Variants in MGMT observed in about 807,000 individuals in gnomAD.
MGMT encodes methylated-DNA--protein-cysteine methyltransferase.
In MGMT, 14 loss-of-function variants were observed where a neutral mutation model predicts 15.9. The observed-to-expected ratio is 0.88, with a 90% CI of 0.58 to 1.37. The LOEUF (loss-of-function observed/expected upper bound fraction) is 1.37, where lower values mean the gene tolerates loss of function less well. MGMT is among the 40% of genes most tolerant of loss of function. MGMT has a pLI of 0.00. For synonymous variants in MGMT, 130 were observed against 118.2 expected (o/e 1.10, Z -0.65); for missense variants, 282 against 268.1 (o/e 1.05, Z -0.36).
chr10:129,612,088 G>A (rs1846967710), intron 2 of MGMT, among the ~76,000 whole-genome samples: 1 of 152,114 alleles, frequency 6.6e-6, no homozygotes, highest in African/African-American at 2.4e-5. Context: ...GTCCAGAAAG[G>A]CGGGACACCT....
At position 129,769,580 on chromosome 10, in the gene MGMT, CCT is replaced by C. The variant is rs1311785673; in HGVS notation, c.*2584_*2585del. ...CACTCAGACCGGCGGACCACGCTCCCCTGTTTCCAGAGAGATGAGAGAGTCAG... is the reference window on the plus strand; with the variant it reads ...CACTCAGACCGGCGGACCACGCTCCCGTTTCCAGAGAGATGAGAGAGTCAG... On this transcript the variant is annotated 3_prime_UTR_variant, in exon 5 of 5. Transcript: ENST00000651593. 1 of 151,840 alleles carries C rather than the reference CCT, an allele frequency of 6.6e-6. No homozygotes were observed. The highest frequency in any genetic ancestry group is 1.5e-5 in the Non-Finnish European group (1 of 68,038). The allele number at this position is 151,840 out of a possible 1,614,324, so 9.4% of individuals were successfully genotyped here.
At chr10:129,745,502 A>G (rs1202385308) in intron 3 of MGMT, among the ~76,000 whole-genome samples, 1 of 152,194 alleles carries the variant, frequency 6.6e-6, no homozygotes, top group Admixed American at 6.5e-5. Flanking sequence ...GACAGTATTT[A>G]ACCTTTGGAG....
At chr10:129,481,392 C>T (rs1845356521) in intron 1 of MGMT, among the ~76,000 whole-genome samples, 1 of 152,164 alleles carries the variant, frequency 6.6e-6, no homozygotes. Flanking sequence ...TGTGTCTGTT[C>T]ATGAGAGGTG....
chr10:129,725,279 G>A (rs1848419500), intron 3 of MGMT, among the ~76,000 whole-genome samples: 1 of 152,232 alleles, frequency 6.6e-6, no homozygotes, highest in Admixed American at 6.5e-5. Flanking sequence ...GTGGAGCACA[G>A]GGTGCCCATC....
At chr10:129,619,785 A>G (rs559272426) in intron 2 of MGMT, among the ~76,000 whole-genome samples, 15 of 152,202 alleles carry the variant, frequency 9.9e-5, no homozygotes, top group African/African-American at 3.6e-4. Context: ...TATCCCTCTC[A>G]GGTCTCTAGG....
At chr10:129,512,071 T>A (rs1277134432) in intron 1 of MGMT, among the ~76,000 whole-genome samples, 1 of 152,200 alleles carries the variant, frequency 6.6e-6, no homozygotes, top group Admixed American at 6.5e-5. Context: ...GCTAAGTGTC[T>A]GCTCTGCAGA....
chr10:129,698,752 G>A (rs1848061401), intron 2 of MGMT, among the ~76,000 whole-genome samples: 1 of 152,138 alleles, frequency 6.6e-6, no homozygotes, highest in African/African-American at 2.4e-5. Context: ...AATTGAGACT[G>A]GATGCATGCA....
chr10:129,643,791 T>C (rs1248838465), intron 2 of MGMT, among the ~76,000 whole-genome samples: 1 of 152,240 alleles, frequency 6.6e-6, no homozygotes, highest in Non-Finnish European at 1.5e-5. Context: ...TTTTGTGGCA[T>C]GCTACAAATT....
chr10:129,472,878 T>C (rs1845248517), intron 1 of MGMT, among the ~76,000 whole-genome samples: 1 of 152,180 alleles, frequency 6.6e-6, no homozygotes, highest in Admixed American at 6.5e-5. Context: ...CCTATTCATT[T>C]ACTAGGTCCC....
chr10:129,654,751 A>G (rs1194978132), intron 2 of MGMT, among the ~76,000 whole-genome samples: 4 of 152,002 alleles, frequency 2.6e-5, no homozygotes, highest in African/African-American at 9.7e-5. Flanking sequence ...GGCAGGCAGG[A>G]CAAGGGCCCC....
intron 2 of MGMT, among the ~76,000 whole-genome samples, chr10:129,573,283 TA>T (rs1182989808): frequency 6.6e-6 from 1 of 152,164 alleles, no homozygotes; most frequent in South Asian, 2.1e-4. Context: ...ACTAGATTTT[TA>T]AAAAACTTTT....
At chr10:129,583,853 GT>G (rs201821668) in intron 2 of MGMT, among the ~76,000 whole-genome samples, 3 of 151,920 alleles carry the variant, frequency 2.0e-5, no homozygotes, top group Non-Finnish European at 2.9e-5. Context: ...CTTTCGTTTT[GT>G]TTTTTTTGGT....
chr10:129,544,467 G>T (rs1846078229), intron 2 of MGMT, among the ~76,000 whole-genome samples: 1 of 152,228 alleles, frequency 6.6e-6, no homozygotes, highest in South Asian at 2.1e-4. Flanking sequence ...TTTGGGTGTA[G>T]CCCCGTGCAC....
chr10:129,697,197 C>T (rs903613263), intron 2 of MGMT, among the ~76,000 whole-genome samples: 1 of 152,116 alleles, frequency 6.6e-6, no homozygotes, highest in African/African-American at 2.4e-5. Flanking sequence ...GATTGTTGTC[C>T]TGTGGATTGG....
chr10:129,580,774 C>T (rs1030513164), intron 2 of MGMT, among the ~76,000 whole-genome samples: 3 of 152,200 alleles, frequency 2.0e-5, no homozygotes, highest in African/African-American at 7.2e-5. Context: ...CCACAGACAC[C>T]CCACAACTGG....
chr10:129,696,147 C>T (rs546587573), intron 2 of MGMT, among the ~76,000 whole-genome samples: 2 of 152,224 alleles, frequency 1.3e-5, no homozygotes, highest in South Asian at 4.2e-4. Flanking sequence ...CCCCAGAGGC[C>T]CAGAAGCCTA....
At chr10:129,720,447 C>G (rs562357911) in intron 3 of MGMT, among the ~76,000 whole-genome samples, 1 of 152,346 alleles carries the variant, frequency 6.6e-6, no homozygotes, top group South Asian at 2.1e-4. Context: ...TCCCCCAACC[C>G]TCCCACAGCA....
chr10:129,726,884 G>A (rs1480362490), intron 3 of MGMT, among the ~76,000 whole-genome samples: 1 of 152,162 alleles, frequency 6.6e-6, no homozygotes, highest in Non-Finnish European at 1.5e-5. Flanking sequence ...TTTTGTTACT[G>A]TTTAAAGTCC....
rs571258424 is a variant in MGMT at position 129,494,601 on chromosome 10, C to T, written c.-13+27305C>T. Among the ~76,000 whole-genome samples the T allele has an allele frequency of 9.4e-4, 143 of 152,348 alleles. 1 individual carries two copies. Among genetic ancestry groups the T allele is most frequent in the African/African-American group, 2.4e-3 (100 of 41,578 alleles). The stretch of plus-strand genomic sequence containing the variant: ...TGCCCAATGTGGTAGCCACTAGTCA[C>T]ATTGGCTGCTGGGCACTTGAAATTG... On this transcript the variant is annotated intron_variant, in intron 1 of 4. Coordinates refer to ENST00000651593, the MANE Select transcript of MGMT (RefSeq NM_002412.5).
Sources: gnomAD v4.1 joint callset for allele counts (sites outside exome capture counted in the v4.1 genomes callset) on GRCh38, gnomAD v4.1.1 for gene constraint, MANE v1.5 for transcripts, NCBI Gene and HGNC (gene_info 2026-07-23, HGNC 2026-07-21) for gene names.